GPM6A: variants seen among roughly 807,000 people sequenced by gnomAD.
GPM6A encodes glycoprotein M6A.
Under a neutral mutation model 32.1 loss-of-function variants are expected in GPM6A, and 7 were observed. That is an observed-to-expected ratio of 0.22 (90% CI 0.12 to 0.41). The LOEUF (loss-of-function observed/expected upper bound fraction) is 0.41. GPM6A is among the 10% of genes least tolerant of loss of function. The pLI is 1.00. For missense variants in GPM6A, 235 were observed against 347.2 expected, an observed-to-expected ratio of 0.68 and a Z score of 2.57; for synonymous variants, 130 against 123.4, an observed-to-expected ratio of 1.05 and a Z score of -0.35.
At position 175,777,591 on chromosome 4, in the gene GPM6A, T is replaced by C. The variant is rs1733446311; in HGVS notation, c.37+34600A>G. On this transcript the variant is annotated intron_variant, in intron 1 of 6. Transcript: ENST00000393658. Reference sequence around the variant, plus strand: ...CAAATGAATGTGTTATATCTACTTATAAGATATGGGATTAGCCTTTATATT... The same window carrying C: ...CAAATGAATGTGTTATATCTACTTACAAGATATGGGATTAGCCTTTATATT... Among the ~76,000 whole-genome samples, 5 of 152,122 alleles carry C rather than the reference T, an allele frequency of 3.3e-5. No individual in the cohort carries two copies. In the South Asian group the frequency reaches 1.0e-3, roughly 31 times the overall value.
At chr4:175,729,793 CTATTA>C (rs138769132) in intron 1 of GPM6A, among the ~76,000 whole-genome samples, 37,106 of 141,830 alleles carry the variant, frequency 0.26, 4,833 homozygotes, top group Non-Finnish European at 0.28. Flanking sequence ...AATATATTAT[CTATTA>C]TATTATATTA....
chr4:175,824,928 C>T (rs1735387531), intron 1 of GPM6A, among the ~76,000 whole-genome samples: 1 of 152,132 alleles, frequency 6.6e-6, no homozygotes, highest in Non-Finnish European at 1.5e-5. Context: ...CATTAAATGA[C>T]TCAGTAAACA....
chr4:175,637,064 T>G (rs1336028025), intron 6 of GPM6A, among the ~76,000 whole-genome samples: 1 of 68,186 alleles, frequency 1.5e-5, no homozygotes, highest in Non-Finnish European at 2.7e-5. Context: ...AAAATATTTG[T>G]AATATAAAAA....
intron 1 of GPM6A, among the ~76,000 whole-genome samples, chr4:175,799,379 C>T (rs561869989): frequency 8.5e-5 from 13 of 152,202 alleles, no homozygotes; most frequent in African/African-American, 2.6e-4. Context: ...TCTTCCAAAA[C>T]GAGAGGCACT....
At chr4:175,777,102 T>C (rs1176068528) in intron 1 of GPM6A, among the ~76,000 whole-genome samples, 1 of 151,982 alleles carries the variant, frequency 6.6e-6, no homozygotes, top group African/African-American at 2.4e-5. Context: ...AAGATTGTAG[T>C]AGGGAAGATA....
rs545167011 is a variant in GPM6A at position 175,875,787 on chromosome 4, C to T, written c.-22-63538G>A. Among the ~76,000 whole-genome samples the T allele has an allele frequency of 7.2e-5, 11 of 152,106 alleles. 2 individuals are homozygous for T. The South Asian group carries it at 2.3e-3, about 32-fold the overall frequency. On this transcript the variant is annotated intron_variant, in intron 1 of 7. Transcript: ENST00000280187. ...GATCATTCTAAATCCTTCCTTGGTC[C>T]CTTAAATTCTTTTAAGAACAGAAGC...
At chr4:175,796,884 A>G (rs1025105003) in intron 1 of GPM6A, among the ~76,000 whole-genome samples, 2 of 152,142 alleles carry the variant, frequency 1.3e-5, no homozygotes, top group African/African-American at 4.8e-5. Flanking sequence ...TTCCTGTCTA[A>G]ACATGCTTTT....
At chr4:175,922,147 G>A (rs1187051382) in intron 1 of GPM6A, among the ~76,000 whole-genome samples, 2 of 152,164 alleles carry the variant, frequency 1.3e-5, no homozygotes, top group Non-Finnish European at 2.9e-5. Flanking sequence ...AATGTGAAGG[G>A]TTAATGTGAA....
At position 175,985,800 on chromosome 4, in the gene GPM6A, C is replaced by T. The variant is rs147072178; in HGVS notation, c.-23+16509G>A. ...AAATTTTATTAAATATGTTTTCTTT[C>T]ATTTATTTATAATTTTTTTTTCTGA... On this transcript the variant is annotated intron_variant, in intron 1 of 7. Transcript: ENST00000280187. Among the ~76,000 whole-genome samples, 605 of 151,902 alleles carry T rather than the reference C, an allele frequency of 4.0e-3. 6 individuals carry two copies. The highest frequency in any genetic ancestry group is 0.013 in the African/African-American group (557 of 41,440).
In GPM6A at chr4:175,843,280, A is replaced by G. The variant is rs77636719; in HGVS notation, c.-22-31031T>C. Among the ~76,000 whole-genome samples, 253 of 152,334 alleles carry G rather than the reference A, an allele frequency of 1.7e-3. 3 individuals are homozygous for G. The East Asian group carries it at 0.041, about 25-fold the overall frequency. On this transcript the variant is annotated intron_variant, in intron 1 of 7. Coordinates refer to the GPM6A transcript ENST00000280187. ...TAGGGAGGAATTTACAAAAAATATC[A>G]TTAACTTTGGTTTCTCCAATATAAA...
At chr4:175,901,008 A>C (rs1376490784) in intron 1 of GPM6A, among the ~76,000 whole-genome samples, 1 of 152,184 alleles carries the variant, frequency 6.6e-6, no homozygotes, top group East Asian at 1.9e-4. Flanking sequence ...ATGTTAAGTG[A>C]AATAAGCCAG....
chr4:175,844,540 G>A (rs1736032635), intron 1 of GPM6A, among the ~76,000 whole-genome samples: 1 of 152,102 alleles, frequency 6.6e-6, no homozygotes. Flanking sequence ...GAACAGTGTT[G>A]TTCTCTCTAT....
intron 1 of GPM6A, among the ~76,000 whole-genome samples, chr4:175,943,620 T>C (rs1433494778): frequency 5.3e-5 from 8 of 152,352 alleles, no homozygotes; most frequent in Admixed American, 4.6e-4. Context: ...AGGCCTTTTC[T>C]GCATCCATTG....
intron 3 of GPM6A, among the ~76,000 whole-genome samples, chr4:175,668,995 C>A (rs371950152): frequency 7.9e-5 from 12 of 152,216 alleles, no homozygotes; most frequent in African/African-American, 2.9e-4. Flanking sequence ...CCACCATGTA[C>A]CCCAGGCAAG....
chr4:175,775,689 A>G (rs1733365693), intron 1 of GPM6A, among the ~76,000 whole-genome samples: 2 of 152,156 alleles, frequency 1.3e-5, no homozygotes, highest in Non-Finnish European at 2.9e-5. Flanking sequence ...CATTAAAAGG[A>G]AGAAATCAGG....
intron 1 of GPM6A, among the ~76,000 whole-genome samples, chr4:175,932,833 T>C (rs1011840432): frequency 6.6e-6 from 1 of 152,048 alleles, no homozygotes; most frequent in Non-Finnish European, 1.5e-5. Context: ...AAATAAAATA[T>C]GGTTGATAAG....
intron 2 of GPM6A, among the ~76,000 whole-genome samples, chr4:175,696,711 C>A (rs1744600049): frequency 6.6e-6 from 1 of 152,184 alleles, no homozygotes. Context: ...TAGTTCAGTA[C>A]AGGCAGTTTA....
intron 1 of GPM6A, chr4:175,962,475 T>A (rs1040487455): frequency 1.6e-6 from 1 of 616,894 alleles, no homozygotes; most frequent in African/African-American, 1.8e-5. Flanking sequence ...GCTTCTCCAA[T>A]GCGCAAGTGA....
intron 6 of GPM6A, among the ~76,000 whole-genome samples, chr4:175,637,688 ATATAATATATTATATATTATATATATT>A (rs1740848830): frequency 5.9e-4 from 1 of 1,682 alleles, no homozygotes; most frequent in Non-Finnish European, 1.6e-3. Flanking sequence ...TATATATAAT[ATATAATATATTATATATTATATATATT>A]TATATATAAT....
Sources: gnomAD v4.1 joint callset for allele counts (sites outside exome capture counted in the v4.1 genomes callset) on GRCh38, gnomAD v4.1.1 for gene constraint, MANE v1.5 for transcripts, NCBI Gene and HGNC (gene_info 2026-07-23, HGNC 2026-07-21) for gene names.